The following CYB561A3 variants were observed in gnomAD, a reference collection of about 807,000 sequenced individuals.
CYB561A3 encodes the protein cytochrome b561 family member A3, also known as lysosomal membrane ascorbate-dependent ferrireductase CYB561A3.
CYB561A3 carries 16 observed loss-of-function variants against 25.3 expected under a neutral mutation model. The ratio of observed to expected loss-of-function variants is 0.63; its 90% CI spans 0.43 to 0.96. The LOEUF is 0.96. CYB561A3 is among the 40% of genes least tolerant of loss of function. The pLI is 0.00. For missense variants in CYB561A3, 219 were observed against 307.5 expected (o/e 0.71, Z 2.15); for synonymous variants, 131 against 129.9 (o/e 1.01, Z -0.06).
intron 5 of CYB561A3, 143 bp from the exon 6 acceptor site, chr11:61,351,290 T>C: frequency 4.6e-6 from 4 of 878,514 alleles, no homozygotes; most frequent in Non-Finnish European, 4.7e-6. Flanking sequence ...CTTTCTTTTT[T>C]TTTTTTTTTT....
rs1027332397 is a variant in CYB561A3 at position 61,351,332 on chromosome 11, C to T, written c.549-185G>A. On this transcript the variant is annotated intron_variant, in intron 5 of 6. Transcript: ENST00000294072. ...TGAGGCAGAGTCTTGCTCTGTCACC[C>T]GGGCTGGAGTGCAGTGGCACGATCT... is the stretch of plus-strand genomic sequence containing the variant. 3.3e-5 allele frequency: 20 copies of T among 608,866 alleles called. No individual in the cohort carries two copies. The Admixed American group carries it at 5.5e-4, about 17-fold the overall frequency. The allele number at this position is 608,866 out of a possible 1,614,324, so 37.7% of individuals were successfully genotyped here.
intron 1 of CYB561A3, chr11:61,360,425 T>C (rs935254220): frequency 6.6e-6 from 1 of 152,208 alleles, no homozygotes; most frequent in African/African-American, 2.4e-5. Context: ...CTAGGCTTTG[T>C]AGAGCACATG....
At chr11:61,350,739 C>A in intron 6 of CYB561A3, 1 of 600,586 alleles carries the variant, frequency 1.7e-6, no homozygotes, top group Admixed American at 3.1e-5. Context: ...CACTTCACCC[C>A]ACAGAACCAC....
At chr11:61,350,643 C>T in intron 6 of CYB561A3, 3 of 618,434 alleles carry the variant, frequency 4.9e-6, no homozygotes, top group Non-Finnish European at 5.6e-6. Flanking sequence ...GCACCCATCC[C>T]ACTAGACTAG....
intron 1 of CYB561A3, chr11:61,359,852 C>T (rs759246068): frequency 6.6e-6 from 1 of 152,206 alleles, no homozygotes; most frequent in African/African-American, 2.4e-5. Flanking sequence ...AAAATCCCGT[C>T]TCTACTAAAA....
In CYB561A3 at chr11:61,350,312, C is replaced by A; in HGVS notation, c.*87G>T. The A allele has an allele frequency of 6.5e-7, 1 of 1,536,118 alleles. No homozygotes were observed. The highest frequency in any genetic ancestry group is 2.3e-5 in the East Asian group (1 of 42,556). On this transcript the variant is annotated 3_prime_UTR_variant, in exon 7 of 7. Transcript: ENST00000294072. Reference sequence around the variant, plus strand: ...ATTGGAAGAAAGTCGCCTGCTGAAACCAGCCGGGAGCCCTGGGAAGAGCAG... The same window carrying A: ...ATTGGAAGAAAGTCGCCTGCTGAAAACAGCCGGGAGCCCTGGGAAGAGCAG...
chr11:61,350,976 G>T lies in CYB561A3; in HGVS notation c.705+15C>A. 1.2e-6 allele frequency: 2 copies of T among 1,609,624 alleles called. No homozygotes were observed. The highest frequency in any genetic ancestry group is 1.7e-6 in the Non-Finnish European group (2 of 1,177,990). ...GGCCCTGTCCCACCCTGGAATGTGG[G>T]ACTGGAACCCATACCTGTCTGTCGG... On this transcript the variant is annotated intron_variant, in intron 6 of 6. Transcript: ENST00000294072.
chr11:61,359,573 TAGAAA>T (rs1485152039), intron 1 of CYB561A3: 1 of 152,152 alleles, frequency 6.6e-6, no homozygotes, highest in Non-Finnish European at 1.5e-5. Flanking sequence ...AGCCACACCC[TAGAAA>T]AGGTCCTGGT....
intron 1 of CYB561A3, chr11:61,358,447 T>A: frequency 7.8e-6 from 1 of 127,432 alleles, no homozygotes. Context: ...AAAGGCTGGG[T>A]GAGGTGGCTC....
At chr11:61,353,460 A>G (rs1484033304) in intron 4 of CYB561A3, 1 of 649,988 alleles carries the variant, frequency 1.5e-6, no homozygotes, top group Admixed American at 2.1e-5. Context: ...AACCACTTCA[A>G]GAATTCTTTT....
chr11:61,359,005 C>T (rs1447785184), intron 1 of CYB561A3: 1 of 152,240 alleles, frequency 6.6e-6, no homozygotes, highest in Non-Finnish European at 1.5e-5. Flanking sequence ...GGATGGATCA[C>T]CTGAGGTCAG....
chr11:61,350,610 C>A, intron 6 of CYB561A3, 188 bp from the exon 7 acceptor site: 1 of 689,874 alleles, frequency 1.4e-6, no homozygotes. Context: ...AAGACCTGCT[C>A]TGAGCACTCA....
chr11:61,358,114 A>T (rs1403219924), intron 1 of CYB561A3: 1 of 152,232 alleles, frequency 6.6e-6, no homozygotes, highest in Non-Finnish European at 1.5e-5. Context: ...CACACTGTAG[A>T]AGTCAAGTAT....
At chr11:61,357,435 AT>A (rs1455592897) in intron 2 of CYB561A3, 3 of 542,872 alleles carry the variant, frequency 5.5e-6, no homozygotes, top group Non-Finnish European at 9.7e-6. Context: ...CAAGAGATTT[AT>A]TTTGAGATTT....
intron 3 of CYB561A3, among the ~76,000 whole-genome samples, chr11:61,355,463 T>A (rs1857614429): frequency 6.6e-6 from 1 of 151,020 alleles, no homozygotes; most frequent in Admixed American, 6.6e-5. Context: ...GTGGATCACC[T>A]GAGGTCAGGA....
intron 3 of CYB561A3, among the ~76,000 whole-genome samples, chr11:61,355,657 G>A (rs1857621533): frequency 6.6e-6 from 1 of 150,840 alleles, no homozygotes; most frequent in Non-Finnish European, 1.5e-5. Flanking sequence ...CTCCAGCCTG[G>A]GCAACAAGAG....
chr11:61,356,923 T>C, intron 2 of CYB561A3, 195 bp from the exon 3 acceptor site: 1 of 1,444,570 alleles, frequency 6.9e-7, no homozygotes, highest in Non-Finnish European at 9.0e-7. Flanking sequence ...TCACAATGAC[T>C]GAGGCCCCAC....
At chr11:61,352,710 C>G in intron 5 of CYB561A3, 1 of 919,636 alleles carries the variant, frequency 1.1e-6, no homozygotes, top group Non-Finnish European at 1.5e-6. Context: ...CAATCAATAC[C>G]AATGATGTAG....
Position 61,352,980 on chromosome 11 carries a change from C to T in CYB561A3, c.548+5G>A. The T allele has an allele frequency of 6.2e-7, 1 of 1,614,178 alleles. No individual in the cohort carries two copies. Among genetic ancestry groups the T allele is most frequent in the Non-Finnish European group, 8.5e-7 (1 of 1,180,042 alleles). Reference sequence around the variant, plus strand: ...CCTTAGAGTTGGGGACCCCACTGCACTCACAAACTGAAGAAAAGCTTCTCA... The same window carrying T: ...CCTTAGAGTTGGGGACCCCACTGCATTCACAAACTGAAGAAAAGCTTCTCA... On this transcript the variant is annotated splice_donor_5th_base_variant and intron_variant, in intron 5 of 6. Coordinates refer to ENST00000294072, the MANE Select transcript of CYB561A3 (RefSeq NM_153611.6).
Sources: allele counts gnomAD v4.1 joint callset (sites outside exome capture counted in the v4.1 genomes callset), GRCh38; gene constraint gnomAD v4.1.1; transcripts MANE v1.5; gene names NCBI Gene and HGNC (gene_info 2026-07-23, HGNC 2026-07-21).